SNTG1: variants seen among roughly 807,000 people sequenced by gnomAD.
SNTG1 encodes the protein syntrophin gamma 1.
In SNTG1, 39 loss-of-function variants were observed where a neutral mutation model predicts 74.7. That is an observed-to-expected ratio of 0.52 (90% CI 0.40 to 0.68). The LOEUF is 0.68. Among genes scored for constraint, SNTG1 ranks in the 30% least tolerant of loss-of-function variants. The pLI is 0.00. For synonymous variants in SNTG1, 254 were observed against 217.1 expected, an observed-to-expected ratio of 1.17 and a Z score of -1.49; for missense variants, 685 against 609.5, an observed-to-expected ratio of 1.12 and a Z score of -1.30.
Position 50,184,162 on chromosome 8 carries a change from TTTA to T in SNTG1, c.-28+11542_-28+11544del, listed in dbSNP as rs956526207. Among the ~76,000 whole-genome samples, 24 of 152,194 alleles carry T rather than the reference TTTA, an allele frequency of 1.6e-4. No homozygotes were observed. In the Middle Eastern group the frequency reaches 0.01, roughly 65 times the overall value. On this transcript the variant is annotated intron_variant, in intron 2 of 18. Coordinates refer to ENST00000642720, the MANE Select transcript of SNTG1 (RefSeq NM_018967.5). Reference sequence around the variant, plus strand: ...AGAATACAAATATGGTTACATCTTTTTTATTATTATTATTATTTTTTGAGATGG... The same window carrying T: ...AGAATACAAATATGGTTACATCTTTTTTATTATTATTATTTTTTGAGATGG...
chr8:50,425,057 G>A (rs562306337), intron 4 of SNTG1, among the ~76,000 whole-genome samples: 183 of 152,218 alleles, frequency 1.2e-3, no homozygotes, highest in African/African-American at 4.2e-3. Flanking sequence ...TTTTTAAAAT[G>A]GAAGACAATA....
At chr8:50,767,081 G>A (rs1332469410) in intron 18 of SNTG1, among the ~76,000 whole-genome samples, 3 of 151,916 alleles carry the variant, frequency 2.0e-5, no homozygotes, top group Non-Finnish European at 4.4e-5. Context: ...AATCTAAGCA[G>A]TGGTGAAAAT....
At chr8:50,678,303 G>T (rs1434340022) in intron 15 of SNTG1, among the ~76,000 whole-genome samples, 1 of 151,820 alleles carries the variant, frequency 6.6e-6, no homozygotes, top group African/African-American at 2.4e-5. Context: ...ATGTTCTATT[G>T]CTCAACATTC....
At chr8:50,705,560 A>G (rs1433790753) in intron 16 of SNTG1, among the ~76,000 whole-genome samples, 2 of 151,632 alleles carry the variant, frequency 1.3e-5, no homozygotes, top group African/African-American at 4.8e-5. Context: ...TCTTCTATTT[A>G]TTTGTCTTTT....
At chr8:50,324,938 CAT>C (rs201152206) in intron 2 of SNTG1, among the ~76,000 whole-genome samples, 6,587 of 133,854 alleles carry the variant, frequency 0.049, 352 homozygotes, top group African/African-American at 0.15. Context: ...GCATTTTATA[CAT>C]ATATATATAT....
At chr8:50,463,123 A>G (rs2093581287) in intron 8 of SNTG1, among the ~76,000 whole-genome samples, 1 of 152,020 alleles carries the variant, frequency 6.6e-6, no homozygotes, top group East Asian at 1.9e-4. Context: ...CCCAGATTCT[A>G]CTTCTAATTC....
intron 8 of SNTG1, among the ~76,000 whole-genome samples, chr8:50,474,259 A>C (rs1240145135): frequency 6.6e-6 from 1 of 152,266 alleles, no homozygotes; most frequent in East Asian, 1.9e-4. Flanking sequence ...TCTGCACAGC[A>C]AAAGAAACCA....
chr8:50,464,858 C>T (rs543429790), intron 8 of SNTG1, among the ~76,000 whole-genome samples: 12 of 151,582 alleles, frequency 7.9e-5, no homozygotes, highest in Non-Finnish European at 1.8e-4. Context: ...AAAAAGTATC[C>T]ATTTTTCAAG....
intron 1 of SNTG1, among the ~76,000 whole-genome samples, chr8:50,064,057 G>C (rs1820699212): frequency 6.6e-6 from 1 of 152,104 alleles, no homozygotes; most frequent in Non-Finnish European, 1.5e-5. Context: ...ATGTAAAATG[G>C]TGACAATCGT....
chr8:49,958,234 G>C (rs112820449), intron 1 of SNTG1, among the ~76,000 whole-genome samples: 1 of 152,108 alleles, frequency 6.6e-6, no homozygotes, highest in Non-Finnish European at 1.5e-5. Flanking sequence ...TAGGTTCACT[G>C]TAGGGCTGAA....
At chr8:50,293,850 C>T (rs951089922) in intron 2 of SNTG1, among the ~76,000 whole-genome samples, 2 of 151,896 alleles carry the variant, frequency 1.3e-5, no homozygotes, top group Non-Finnish European at 2.9e-5. Flanking sequence ...CACACAAATC[C>T]TACATTTATG....
rs888721772 is a variant in SNTG1, at chr8:50,122,812, C to T, written c.-102-49749C>T. Among the ~76,000 whole-genome samples, 3 of 141,986 alleles carry T rather than the reference C, an allele frequency of 2.1e-5. 1 individual carries two copies. Among genetic ancestry groups the T allele is most frequent in the Non-Finnish European group, 4.7e-5 (3 of 63,720 alleles). The allele number at this position is 141,986 out of a possible 152,430, so 93.1% of individuals were successfully genotyped here. A position where few individuals can be genotyped will look rare whatever the true frequency, so the allele number is the denominator to read the frequency against. On this transcript the variant is annotated intron_variant, in intron 1 of 18. Coordinates refer to ENST00000642720, the MANE Select transcript of SNTG1 (RefSeq NM_018967.5). ...GCTAAAATACCCTAACAGTAGTTCT[C>T]CTCATAGAAAACCAAATTGTATGAG...
At chr8:49,991,946 G>A (rs986738928) in intron 1 of SNTG1, among the ~76,000 whole-genome samples, 1 of 151,936 alleles carries the variant, frequency 6.6e-6, no homozygotes, top group Admixed American at 6.6e-5. Context: ...TGAATATTAG[G>A]GTGTATAAAT....
intron 13 of SNTG1, chr8:50,644,435 A>G (rs892976884): frequency 1.3e-5 from 2 of 152,094 alleles, no homozygotes; most frequent in African/African-American, 4.8e-5. Context: ...CTTTATGATG[A>G]TCCACTCCGA....
chr8:49,915,692 T>C (rs1473291163), intron 1 of SNTG1, among the ~76,000 whole-genome samples: 8 of 152,196 alleles, frequency 5.3e-5, no homozygotes, highest in Non-Finnish European at 4.4e-5. Flanking sequence ...TTAGTGATAT[T>C]GATAAGGAAA....
At chr8:50,028,791 A>G (rs1001116483) in intron 1 of SNTG1, among the ~76,000 whole-genome samples, 41 of 152,172 alleles carry the variant, frequency 2.7e-4, no homozygotes, top group African/African-American at 8.7e-4. Flanking sequence ...AACATTTTCA[A>G]TATATTTTTA....
intron 2 of SNTG1, among the ~76,000 whole-genome samples, chr8:50,262,702 C>A (rs1474630762): frequency 6.6e-6 from 1 of 152,098 alleles, no homozygotes; most frequent in Non-Finnish European, 1.5e-5. Flanking sequence ...AGCCACCGCG[C>A]CCGGCCCGAA....
intron 15 of SNTG1, among the ~76,000 whole-genome samples, chr8:50,681,010 G>C (rs2095328693): frequency 6.6e-6 from 1 of 152,016 alleles, no homozygotes; most frequent in Non-Finnish European, 1.5e-5. Context: ...TTTTGTTTTA[G>C]GAGAAATGCT....
At chr8:49,962,395 T>C (rs763465447) in intron 1 of SNTG1, among the ~76,000 whole-genome samples, 1 of 151,386 alleles carries the variant, frequency 6.6e-6, no homozygotes, top group Non-Finnish European at 1.5e-5. Context: ...AACACACACA[T>C]ACATGCAGAC....
Sources: allele counts gnomAD v4.1 joint callset (sites outside exome capture counted in the v4.1 genomes callset), GRCh38; gene constraint gnomAD v4.1.1; transcripts MANE v1.5; gene names NCBI Gene and HGNC (gene_info 2026-07-23, HGNC 2026-07-21).